The following EMID1 variants were observed in gnomAD, a reference collection of about 807,000 sequenced individuals.
EMID1 encodes EMI domain containing 1.
EMID1 carries 40 observed loss-of-function variants against 60.6 expected under a neutral mutation model. The ratio of observed to expected loss-of-function variants is 0.66; its 90% CI spans 0.51 to 0.86. The LOEUF (loss-of-function observed/expected upper bound fraction) is 0.86. Ranked by LOEUF, EMID1 falls within the 40% of genes least tolerant of loss-of-function variation. EMID1 has a pLI of 0.00. For missense variants in EMID1, 585 were observed against 597.1 expected (o/e 0.98, Z 0.21); for synonymous variants, 242 against 231.0 (o/e 1.05, Z -0.43).
intron 2 of EMID1, 69 bp downstream of exon 2, chr22:29,215,108 G>T (rs938048790): frequency 1.4e-6 from 2 of 1,476,250 alleles, no homozygotes; most frequent in Non-Finnish European, 1.8e-6. Context: ...GGCCTGGTTG[G>T]GGGACTGCAT....
chr22:29,255,608 C>T (rs1432508408), intron 14 of EMID1: 5 of 367,620 alleles, frequency 1.4e-5, no homozygotes, highest in Non-Finnish European at 2.5e-5. Flanking sequence ...CACAGTCCTG[C>T]CCTTGAGGAG....
intron 12 of EMID1, among the ~76,000 whole-genome samples, chr22:29,236,009 C>G (rs1246254146): frequency 6.6e-6 from 1 of 152,012 alleles, no homozygotes; most frequent in Non-Finnish European, 1.5e-5. Context: ...AAGTCAGTTT[C>G]TTATAGAAAA....
intron 12 of EMID1, among the ~76,000 whole-genome samples, chr22:29,240,575 T>C (rs1049753157): frequency 7.9e-5 from 12 of 152,218 alleles, no homozygotes; most frequent in Non-Finnish European, 1.8e-4. Context: ...TCGTGGCCTC[T>C]GGAATGTGTC....
Position 29,231,633 on chromosome 22 carries a change from C to T in EMID1, c.627C>T (p.Pro209=). The T allele has an allele frequency of 6.7e-7, 1 of 1,500,830 alleles. No individual in the cohort carries two copies. The highest frequency in any genetic ancestry group is 2.2e-5 in the Admixed American group (1 of 45,882). The allele number at this position is 1,500,830 out of a possible 1,614,324, so 93.0% of individuals were successfully genotyped here. Residue 209 remains proline, a synonymous_variant, in exon 7 of 15, where the codon CCC becomes CCT. Coordinates refer to ENST00000334018, the MANE Select transcript of EMID1 (RefSeq NM_133455.4). The part of the protein sequence containing the change: ...GAWGLPGPTG[P]KGDAGSRGPM... The stretch of plus-strand genomic sequence containing the variant: ...GGGGGCTTCCCGGGCCCACCGGCCC[C>T]AAGGGAGATGCCGGCAGTCGGGGCC...
At chr22:29,254,126 G>A (rs2041621777) in intron 13 of EMID1, 77 bp from the exon 14 acceptor site, 51 of 1,603,354 alleles carry the variant, frequency 3.2e-5, no homozygotes, top group Admixed American at 8.4e-5. Context: ...CCCGGGTGGG[G>A]CATGGGCCAC....
At position 29,225,167 on chromosome 22, in the gene EMID1, G is replaced by T. The variant is rs764345683; in HGVS notation, c.354G>T (p.Trp118Cys). 8.1e-6 allele frequency: 13 copies of T among 1,613,878 alleles called. No homozygotes were observed. The East Asian group carries it at 2.7e-4, about 33-fold the overall frequency. ...CCTCTGCCTCCTTGGAGCCCATGTG[G>T]TCGGGCAGTACCATGCGGCGGATGG... ...AASSASLEPM[W>C]SGSTMRRMAL... Residue 118 changes from tryptophan (W) to cysteine (C), a missense_variant, in exon 4 of 15, where the codon TGG becomes TGT. Transcript: ENST00000334018.
intron 5 of EMID1, among the ~76,000 whole-genome samples, chr22:29,228,747 A>G (rs2040620734): frequency 6.6e-6 from 1 of 152,040 alleles, no homozygotes; most frequent in Non-Finnish European, 1.5e-5. Flanking sequence ...GACATGTGCC[A>G]CCACACCTGG....
intron 13 of EMID1, among the ~76,000 whole-genome samples, chr22:29,248,952 A>G (rs1184719927): frequency 6.6e-6 from 1 of 152,204 alleles, no homozygotes; most frequent in East Asian, 1.9e-4. Flanking sequence ...GTAGACTGAA[A>G]CATCATTATG....
In EMID1 at chr22:29,232,241, G is replaced by A. The variant is rs1181757707; in HGVS notation, c.677-15G>A. 1.9e-6 allele frequency: 3 copies of A among 1,611,366 alleles called. No individual in the cohort carries two copies. The East Asian group carries it at 6.7e-5, about 36-fold the overall frequency. On this transcript the variant is annotated splice_polypyrimidine_tract_variant and intron_variant, in intron 7 of 14. Coordinates refer to ENST00000334018, the MANE Select transcript of EMID1 (RefSeq NM_133455.4). ...GCCTCCTGTATACCCACAAATCCGT[G>A]TGATTCCATTGCAGGTCCACAGGGC...
chr22:29,229,325 C>A (rs1327582280), intron 5 of EMID1, among the ~76,000 whole-genome samples: 1 of 152,014 alleles, frequency 6.6e-6, no homozygotes, highest in African/African-American at 2.4e-5. Flanking sequence ...GACGGCAGAG[C>A]TAGACCCTGT....
rs566953808 is a variant in EMID1, at chr22:29,220,128, T to G, written c.319+4498T>G. 3.3e-5 allele frequency among the ~76,000 whole-genome samples: 5 copies of G among 151,820 alleles called. No individual in the cohort carries two copies. The South Asian group carries it at 1.0e-3, about 32-fold the overall frequency. ...TGCATCCCCTGAACCTCACCCTCCT[T>G]CTGTTTGAACCCCCTGCCCACACTG... On this transcript the variant is annotated intron_variant, in intron 3 of 14. Coordinates refer to ENST00000334018, the MANE Select transcript of EMID1 (RefSeq NM_133455.4).
intron 12 of EMID1, among the ~76,000 whole-genome samples, chr22:29,241,061 T>C (rs922376304): frequency 6.6e-6 from 1 of 152,116 alleles, no homozygotes; most frequent in African/African-American, 2.4e-5. Flanking sequence ...GAGGGCCTTG[T>C]AGAGCTCCTT....
intron 13 of EMID1, among the ~76,000 whole-genome samples, chr22:29,253,521 G>C (rs1392907594): frequency 6.6e-6 from 1 of 152,212 alleles, no homozygotes; most frequent in Non-Finnish European, 1.5e-5. Flanking sequence ...GGTGGAGGTT[G>C]CGGTGAGCTG....
At chr22:29,248,556 G>C (rs1036745988) in intron 13 of EMID1, among the ~76,000 whole-genome samples, 6 of 152,078 alleles carry the variant, frequency 3.9e-5, no homozygotes, top group Admixed American at 1.3e-4. Flanking sequence ...TTAAAGTATA[G>C]TATATGACCA....
intron 3 of EMID1, chr22:29,216,436 A>G: frequency 1.0e-6 from 1 of 985,476 alleles, no homozygotes; most frequent in Non-Finnish European, 1.2e-6. Flanking sequence ...ATGGCGCTAA[A>G]GAGGATGGGC....
At chr22:29,215,433 TG>T in intron 2 of EMID1, 93 bp from the exon 3 acceptor site, 1 of 1,380,384 alleles carries the variant, frequency 7.2e-7, no homozygotes, top group Non-Finnish European at 1.0e-6. Flanking sequence ...CAGAGGATCC[TG>T]GAAGCTCTAG....
chr22:29,230,903 C>T lies in EMID1; in HGVS notation c.466-117C>T, dbSNP rs896183192. ...CCCGGGTGGTTGAGGCTGCATGAGC[C>T]GTCATAGTACTACTGCATTCTAGCC... On this transcript the variant is annotated intron_variant, in intron 5 of 14. Transcript: ENST00000334018. The T allele has an allele frequency of 1.1e-5, 15 of 1,330,650 alleles. No individual in the cohort carries two copies. The African/African-American group carries it at 1.5e-4, about 13-fold the overall frequency. The allele number at this position is 1,330,650 out of a possible 1,614,324, so 82.4% of individuals were successfully genotyped here.
At chr22:29,219,352 G>A (rs898614411) in intron 3 of EMID1, among the ~76,000 whole-genome samples, 2 of 152,240 alleles carry the variant, frequency 1.3e-5, no homozygotes, top group Non-Finnish European at 2.9e-5. Context: ...GAGCTGGGCT[G>A]CCTCTGCTTC....
chr22:29,215,061 C>A, intron 2 of EMID1, 22 bp downstream of exon 2: 2 of 1,515,654 alleles, frequency 1.3e-6, no homozygotes, highest in South Asian at 1.3e-5. Flanking sequence ...GGAGAAGGAA[C>A]TGATGGCATT....
Sources: gnomAD v4.1 joint callset for allele counts (sites outside exome capture counted in the v4.1 genomes callset) on GRCh38, gnomAD v4.1.1 for gene constraint, MANE v1.5 for transcripts, NCBI Gene and HGNC (gene_info 2026-07-23, HGNC 2026-07-21) for gene names.